SGSM2: variants seen among roughly 807,000 people sequenced by gnomAD.
SGSM2 encodes RUN and TBC1 domain containing 1.
SGSM2 carries 89 observed loss-of-function variants against 126.6 expected under a neutral mutation model. The observed-to-expected ratio is 0.70, with a 90% confidence interval of 0.59 to 0.84. The LOEUF is 0.84. SGSM2 is among the 40% of genes least tolerant of loss of function. The pLI, the probability that SGSM2 is intolerant of heterozygous loss-of-function variation, is 0.00. For missense variants in SGSM2, 1,404 were observed against 1,416.6 expected (o/e 0.99, Z 0.14); for synonymous variants, 614 against 574.3 (o/e 1.07, Z -0.99).
intron 22 of SGSM2, among the ~76,000 whole-genome samples, chr17:2,378,377 G>A (rs904703086): frequency 9.9e-5 from 15 of 152,210 alleles, no homozygotes; most frequent in African/African-American, 3.6e-4. Flanking sequence ...GGGGTTTGAG[G>A]CCAGCCTGGC....
chr17:2,346,406 C>T (rs915260931), intron 2 of SGSM2, among the ~76,000 whole-genome samples: 1 of 152,266 alleles, frequency 6.6e-6, no homozygotes, highest in Middle Eastern at 3.4e-3. Flanking sequence ...GACATTTAAA[C>T]AGAAAACACA....
chr17:2,348,649 A>G (rs917698252), intron 2 of SGSM2, among the ~76,000 whole-genome samples: 12 of 152,122 alleles, frequency 7.9e-5, no homozygotes, highest in African/African-American at 2.9e-4. Context: ...CTCATCTCTG[A>G]GCCTACCCCA....
rs1472755882 is a variant in SGSM2 at position 2,373,437 on chromosome 17, C to T, written c.2024C>T (p.Thr675Ile). The T allele has an allele frequency of 5.0e-6, 8 of 1,611,174 alleles. No individual in the cohort carries two copies. The highest frequency in any genetic ancestry group is 3.3e-5 in the South Asian group (3 of 91,064). Residue 675 changes from threonine to isoleucine, a missense_variant, in exon 17 of 24, where the codon ACC becomes ATC. Transcript: ENST00000268989. ...CGGGAGGCCCACCCAGCCACACGCA[C>T]CAAGTTCTCCTCAGGCAGCAGCATC... Reference protein sequence around the residue: ...REREAHPATRTKFSSGSSIDS... With the variant: ...REREAHPATRIKFSSGSSIDS...
Position 2,362,806 on chromosome 17 carries a change from C to G in SGSM2, c.459-32C>G. ...GACTGCCCTGGAATGAGCCCCGGAG[C>G]CTCGGCAGTCACACTGTCTGTCTCC... is the stretch of plus-strand genomic sequence containing the variant. On this transcript the variant is annotated intron_variant, in intron 4 of 23. Transcript: ENST00000268989. The surrounding 1 kb of genome is among the most constrained non-coding windows in gnomAD (Gnocchi z 4.9). 6.2e-7 allele frequency: 1 copy of G among 1,611,790 alleles called. No individual in the cohort carries two copies. The highest frequency in any genetic ancestry group is 8.5e-7 in the Non-Finnish European group (1 of 1,178,712).
intron 2 of SGSM2, among the ~76,000 whole-genome samples, chr17:2,351,082 T>C (rs2447089): frequency 0.44 from 67,082 of 151,760 alleles, 15,105 homozygotes; most frequent in East Asian, 0.62. Context: ...GTAAAACCCC[T>C]TCTCTACTAA....
chr17:2,347,924 C>A (rs2064673522), intron 2 of SGSM2, among the ~76,000 whole-genome samples: 1 of 152,134 alleles, frequency 6.6e-6, no homozygotes, highest in African/African-American at 2.4e-5. Flanking sequence ...ACCTCAGCCT[C>A]CCCACCCCCC....
Position 2,364,929 on chromosome 17 carries a change from G to T in SGSM2, c.1033G>T (p.Asp345Tyr), listed in dbSNP as rs1471397661. 2 of 1,612,130 alleles carry T rather than the reference G, an allele frequency of 1.2e-6. No homozygotes were observed. The highest frequency in any genetic ancestry group is 4.5e-5 in the East Asian group (2 of 44,888). The change falls in exon 10 of 24, where the codon GAT becomes TAT. Residue 345 changes from aspartate to tyrosine, a missense_variant. Physicochemically the swap from Asp to Tyr is radical, Grantham distance 160. Coordinates refer to ENST00000268989, the MANE Select transcript of SGSM2 (RefSeq NM_014853.3). ...TGGCACGCTTGTGCTGGTGAGCCAGGATGGCATCCAGAGGCCGCCGCTGCA... is the reference window on the plus strand; with the variant it reads ...TGGCACGCTTGTGCTGGTGAGCCAGTATGGCATCCAGAGGCCGCCGCTGCA... The part of the protein sequence containing the change: ...SGGTLVLVSQ[D>Y]GIQRPPLHFP...
At chr17:2,376,675 G>A (rs1179481487) in intron 19 of SGSM2, 58 bp from the exon 20 acceptor site, 2 of 1,582,050 alleles carry the variant, frequency 1.3e-6, no homozygotes, top group Non-Finnish European at 1.7e-6. Context: ...TCTTCCCAGG[G>A]ATCCCGAGGG....
chr17:2,376,052 G>A, intron 18 of SGSM2, 85 bp from the exon 19 acceptor site: 4 of 1,594,682 alleles, frequency 2.5e-6, no homozygotes, highest in South Asian at 1.1e-5. Context: ...GTTCCGTTTT[G>A]CTGCATTTCT....
intron 2 of SGSM2, among the ~76,000 whole-genome samples, chr17:2,360,594 C>T (rs959907531): frequency 1.3e-5 from 2 of 152,236 alleles, no homozygotes; most frequent in African/African-American, 2.4e-5. Flanking sequence ...TCACATCCTC[C>T]GTCTCATGTG....
chr17:2,365,392 G>A lies in SGSM2; in HGVS notation c.1288+51G>A, dbSNP rs1168585934. 2.0e-6 allele frequency: 3 copies of A among 1,484,952 alleles called. No homozygotes were observed. In the South Asian group the frequency reaches 4.0e-5, roughly 20 times the overall value. 92.0% of individuals were successfully genotyped at this position (1,484,952 alleles called of 1,614,324 possible). A position where few individuals can be genotyped will look rare whatever the true frequency, so the allele number is the denominator to read the frequency against. ...GGGAGGAGAGGAAGACGCTCTGGGA[G>A]GCGGGGAGCGCAGCGTCACCCAGGA... On this transcript the variant is annotated intron_variant, in intron 11 of 23. Transcript: ENST00000268989.
intron 8 of SGSM2, 144 bp from the exon 9 acceptor site, chr17:2,364,452 G>C (rs1346318832): frequency 2.2e-6 from 2 of 910,890 alleles, no homozygotes; most frequent in African/African-American, 3.2e-5. Flanking sequence ...AGATCTCAGG[G>C]GTCATGGCTG....
At chr17:2,368,533 C>T (rs777309403) in intron 12 of SGSM2, among the ~76,000 whole-genome samples, 9 of 152,190 alleles carry the variant, frequency 5.9e-5, no homozygotes, top group African/African-American at 1.2e-4. Flanking sequence ...GTTCCTTAGC[C>T]GGCCACTGAT....
chr17:2,338,996 T>C (rs1177608538), intron 1 of SGSM2, among the ~76,000 whole-genome samples: 2 of 151,122 alleles, frequency 1.3e-5, no homozygotes, highest in East Asian at 2.0e-4. Context: ...GAGGTGGAGA[T>C]TGCAGTGAGC....
intron 17 of SGSM2, chr17:2,375,244 A>G: frequency 4.9e-6 from 2 of 404,518 alleles, no homozygotes; most frequent in South Asian, 1.1e-4. Context: ...AGCCACAGGA[A>G]GACCTGGGGC....
intron 2 of SGSM2, among the ~76,000 whole-genome samples, chr17:2,349,994 A>G (rs982890552): frequency 7.2e-5 from 11 of 151,884 alleles, no homozygotes; most frequent in Non-Finnish European, 1.3e-4. Context: ...TCACCGTGTT[A>G]GCCAGGATGG....
chr17:2,375,566 G>T lies in SGSM2; in HGVS notation c.2175G>T (p.Gln725His), dbSNP rs780145370. 3.7e-6 allele frequency: 6 copies of T among 1,613,932 alleles called. No homozygotes were observed. The highest frequency in any genetic ancestry group is 5.1e-6 in the Non-Finnish European group (6 of 1,180,008). The part of the protein sequence containing the change: ...DPEDSRPKPE[Q>H]EAGPGTPGTA... ...AAGATTCCAGACCAAAACCTGAGCA[G>T]GAAGCAGGACCCGGGACTCCGGGCA... Residue 725 changes from glutamine to histidine, a missense_variant, in exon 18 of 24, where the codon CAG becomes CAT. Transcript: ENST00000268989.
chr17:2,377,559 C>T lies in SGSM2; in HGVS notation c.2803-298C>T, dbSNP rs1441292043. On this transcript the variant is annotated intron_variant, in intron 21 of 23. Transcript: ENST00000268989. Reference sequence around the variant, plus strand: ...GTGTGTGTGTGTGAATGCTCGTGCCCATGAAAGTTCTGGCGAACAGTAGGG... The same window carrying T: ...GTGTGTGTGTGTGAATGCTCGTGCCTATGAAAGTTCTGGCGAACAGTAGGG... 3.0e-5 allele frequency: 8 copies of T among 263,606 alleles called. No individual in the cohort carries two copies. In the Admixed American group the frequency reaches 3.9e-4, roughly 13 times the overall value. The allele number at this position is 263,606 out of a possible 1,614,324, so 16.3% of individuals were successfully genotyped here.
At chr17:2,352,998 G>T (rs550319394) in intron 2 of SGSM2, among the ~76,000 whole-genome samples, 3 of 150,694 alleles carry the variant, frequency 2.0e-5, no homozygotes, top group Non-Finnish European at 4.4e-5. Flanking sequence ...AGGATGGTCT[G>T]GATCTCCTGA....
Sources: gnomAD v4.1 joint callset for allele counts (sites outside exome capture counted in the v4.1 genomes callset) on GRCh38, gnomAD v4.1.1 for gene constraint, Gnocchi (gnomAD v3.1) non-coding constraint, MANE v1.5 for transcripts, NCBI Gene and HGNC (gene_info 2026-07-23, HGNC 2026-07-21) for gene names.